CPEB2: variants seen among roughly 807,000 people sequenced by gnomAD.
CPEB2 encodes the protein cytoplasmic polyadenylation element binding protein 2, also known as cytoplasmic polyadenylation element-binding protein 2.
A neutral mutation model predicts 93.6 loss-of-function variants in CPEB2; 56 were observed. That is an observed-to-expected ratio of 0.60 (90% CI 0.48 to 0.75). The LOEUF is 0.75. CPEB2 is among the 30% of genes least tolerant of loss of function. The pLI is 0.00. For synonymous variants in CPEB2, 764 were observed against 586.3 expected (o/e 1.30, Z -4.38); for missense variants, 1,579 against 1,395.1 (o/e 1.13, Z -2.10).
intron 4 of CPEB2, among the ~76,000 whole-genome samples, chr4:15,027,416 C>T (rs1725605906): frequency 6.6e-6 from 1 of 152,092 alleles, no homozygotes; most frequent in African/African-American, 2.4e-5. Flanking sequence ...AGGGTCTTTT[C>T]TGCGTTTGTA....
In CPEB2 at chr4:15,003,811, G is replaced by C; in HGVS notation, c.1138G>C (p.Gly380Arg). The change falls in exon 1 of 12, where the codon GGC becomes CGC. Residue 380 changes from glycine (G) to arginine (R), a missense_variant. By Grantham distance (125) the Gly-to-Arg change is moderately radical. Transcript: ENST00000538197. ...SASPPPLPGF[G>R]TPWSVQTASP... The stretch of plus-strand genomic sequence containing the variant: ...GTCGCCGCCGCCGCTGCCCGGCTTC[G>C]GCACCCCCTGGTCGGTGCAGACCGC... 1.0e-6 allele frequency: 1 copy of C among 991,056 alleles called. No individual in the cohort carries two copies. Among genetic ancestry groups the C allele is most frequent in the Non-Finnish European group, 1.3e-6 (1 of 781,590 alleles). The allele number at this position is 991,056 out of a possible 1,614,324, so 61.4% of individuals were successfully genotyped here.
intron 3 of CPEB2, among the ~76,000 whole-genome samples, chr4:15,009,458 G>A (rs1262060563): frequency 2.6e-5 from 4 of 152,156 alleles, no homozygotes; most frequent in African/African-American, 9.7e-5. Flanking sequence ...GCAACGTATT[G>A]TCTTGTTAAT....
At chr4:15,038,774 A>G (rs1052390439) in intron 5 of CPEB2, among the ~76,000 whole-genome samples, 1 of 151,952 alleles carries the variant, frequency 6.6e-6, no homozygotes, top group Non-Finnish European at 1.5e-5. Context: ...TTTTTAGTAG[A>G]GACGAGGTTT....
At chr4:15,025,505 G>T (rs1287167701) in intron 4 of CPEB2, among the ~76,000 whole-genome samples, 2 of 151,880 alleles carry the variant, frequency 1.3e-5, no homozygotes. Flanking sequence ...AGTAATGATT[G>T]TAATAAGTCA....
chr4:15,058,621 G>A, intron 9 of CPEB2, 82 bp downstream of exon 9: 1 of 792,294 alleles, frequency 1.3e-6, no homozygotes, highest in Non-Finnish European at 2.1e-6. Flanking sequence ...ATTAATAAAA[G>A]AACAATTAAA....
rs1729786323 is a variant in CPEB2, at chr4:15,067,483, A to G, written c.*1103A>G. ...GATAAAAGAATGAGTAAAAGAAAAT[A>G]CAAGAATTCTAAAGAAAGTTGGTTT... On this transcript the variant is annotated 3_prime_UTR_variant, in exon 12 of 12. Transcript: ENST00000538197. 6.6e-6 allele frequency: 1 copy of G among 152,504 alleles called. No individual in the cohort carries two copies. The highest frequency in any genetic ancestry group is 6.6e-5 in the Admixed American group (1 of 15,232). 9.4% of individuals were successfully genotyped at this position (152,504 alleles called of 1,614,324 possible).
At chr4:15,063,489 A>G (rs1242649422) in intron 11 of CPEB2, among the ~76,000 whole-genome samples, 1 of 152,048 alleles carries the variant, frequency 6.6e-6, no homozygotes, top group African/African-American at 2.4e-5. Context: ...TCTGCTGTAC[A>G]TTATTCACCT....
chr4:15,063,377 AAAAC>A (rs751452883), intron 11 of CPEB2, among the ~76,000 whole-genome samples: 2 of 152,038 alleles, frequency 1.3e-5, no homozygotes, highest in Non-Finnish European at 2.9e-5. Context: ...CCAAAAAAAA[AAAAC>A]TAAGAGGAGG....
rs956181437 is a variant in CPEB2, at chr4:15,004,332, C to A, written c.1659C>A (p.His553Gln). 3.4e-6 allele frequency: 5 copies of A among 1,458,160 alleles called. No homozygotes were observed. The highest frequency in any genetic ancestry group is 4.5e-6 in the Non-Finnish European group (5 of 1,116,070). The allele number at this position is 1,458,160 out of a possible 1,614,324, so 90.3% of individuals were successfully genotyped here. The change falls in exon 1 of 12, where the codon CAC (histidine) becomes CAA (glutamine). Residue 553 changes from histidine (H) to glutamine (Q), a missense_variant. Around this residue, in one of 2 missense-constraint regions of CPEB2, gnomAD observed 1,411 missense variants for 1,056.0 expected, o/e 1.34. Transcript: ENST00000538197. ...FLQQRNSYNH[H>Q]QPLLKQSPWS... The stretch of plus-strand genomic sequence containing the variant: ...AGCAGAGGAACTCCTATAACCACCA[C>A]CAGGTACGGCGGGCGGCGGCCTGGC...
intron 4 of CPEB2, among the ~76,000 whole-genome samples, chr4:15,032,851 A>G (rs1453344350): frequency 6.6e-6 from 1 of 152,158 alleles, no homozygotes; most frequent in Non-Finnish European, 1.5e-5. Flanking sequence ...TTGCAAGACT[A>G]GGATATGATA....
At chr4:15,035,056 A>C (rs533605724) in intron 5 of CPEB2, among the ~76,000 whole-genome samples, 1 of 152,318 alleles carries the variant, frequency 6.6e-6, no homozygotes, top group East Asian at 1.9e-4. Flanking sequence ...ACGTAGATCT[A>C]CTTTTTGAAT....
rs1211215284 is a variant in CPEB2 at position 15,068,936 on chromosome 4, G to A, written c.*2556G>A. 2.7e-5 allele frequency: 4 copies of A among 150,088 alleles called. No homozygotes were observed. The East Asian group carries it at 7.9e-4, about 29-fold the overall frequency. The allele number at this position is 150,088 out of a possible 1,614,324, so 9.3% of individuals were successfully genotyped here. A position where few individuals can be genotyped will look rare whatever the true frequency, so the allele number is the denominator to read the frequency against. On this transcript the variant is annotated 3_prime_UTR_variant, in exon 12 of 12. Coordinates refer to ENST00000538197, the MANE Select transcript of CPEB2 (RefSeq NM_001177382.2). ...GTTTTGTTTTGTTTTTGCCCTTTAT[G>A]TACTACATTCTTATTTTCTAACTTT...
At chr4:15,059,637 G>A (rs938847831) in intron 10 of CPEB2, among the ~76,000 whole-genome samples, 1 of 88,176 alleles carries the variant, frequency 1.1e-5, no homozygotes, top group Non-Finnish European at 2.5e-5. Flanking sequence ...TGTGTAGATC[G>A]ATTCTGATAT....
At position 15,003,014 on chromosome 4, in the gene CPEB2, C is replaced by G. The variant is rs1722173986; in HGVS notation, c.341C>G (p.Ala114Gly). 1 of 1,495,966 alleles carries G rather than the reference C, an allele frequency of 6.7e-7. No homozygotes were observed. Among genetic ancestry groups the G allele is most frequent in the Non-Finnish European group, 8.8e-7 (1 of 1,134,346 alleles). 92.7% of individuals were successfully genotyped at this position (1,495,966 alleles called of 1,614,324 possible). A position where few individuals can be genotyped will look rare whatever the true frequency, so the allele number is the denominator to read the frequency against. ...GCGCGGCCGCTTTCGGGGGCGGCGG[C>G]CACGGAGAAACTCCCCGACCACCAC... ...QPARPLSGAA[A>G]TEKLPDHHPG... is the part of the protein sequence containing the mutation. Residue 114 changes from alanine to glycine, a missense_variant, in exon 1 of 12, where the codon GCC (alanine) becomes GGC (glycine). Transcript: ENST00000538197.
chr4:15,040,163 TTC>T (rs141748399), intron 5 of CPEB2, among the ~76,000 whole-genome samples: 1,753 of 152,272 alleles, frequency 0.012, 12 homozygotes, highest in Non-Finnish European at 0.019. Context: ...TGTTGTATAT[TTC>T]TGTCTTCATT....
rs1212738634 is a variant in CPEB2, at chr4:15,002,906, C to T, written c.233C>T (p.Ala78Val). Reference protein sequence around the residue: ...PLGGGAGSPAAAASSSSPFLA... With the variant: ...PLGGGAGSPAVAASSSSPFLA... ...GGCGGCGGCGCGGGCAGCCCGGCCG[C>T]CGCCGCTTCCTCTTCCTCCCCGTTC... The change falls in exon 1 of 12, where the codon GCC becomes GTC. Residue 78 changes from alanine (A) to valine (V), a missense_variant. Ala to Val is a moderately conservative substitution (Grantham distance 64). This residue lies in a region of CPEB2 where 1,411 missense variants were observed against 1,056.0 expected (regional missense o/e 1.34). Transcript: ENST00000538197. The T allele has an allele frequency of 2.0e-5, 30 of 1,512,286 alleles. No homozygotes were observed. In the South Asian group the frequency reaches 3.5e-4, roughly 17 times the overall value. 93.7% of individuals were successfully genotyped at this position (1,512,286 alleles called of 1,614,324 possible).
chr4:15,052,916 A>G (rs1728363494), intron 7 of CPEB2, among the ~76,000 whole-genome samples: 1 of 152,034 alleles, frequency 6.6e-6, no homozygotes, highest in African/African-American at 2.4e-5. Context: ...TTGTATCACC[A>G]TAATGTGTGC....
intron 7 of CPEB2, among the ~76,000 whole-genome samples, chr4:15,053,085 C>T (rs913492527): frequency 2.6e-5 from 4 of 151,574 alleles, no homozygotes; most frequent in African/African-American, 7.3e-5. Flanking sequence ...GGCGCAATCT[C>T]GGCTCGCTGC....
At chr4:15,021,946 AT>A (rs1387043108) in intron 4 of CPEB2, among the ~76,000 whole-genome samples, 1 of 152,124 alleles carries the variant, frequency 6.6e-6, no homozygotes, top group Admixed American at 6.6e-5. Flanking sequence ...GTAGTACCAA[AT>A]TGCTTATTTT....
Sources: allele counts gnomAD v4.1 joint callset (sites outside exome capture counted in the v4.1 genomes callset), GRCh38; gene constraint gnomAD v4.1.1; regional missense constraint gnomAD v4.1.1; transcripts MANE v1.5; gene names NCBI Gene and HGNC (gene_info 2026-07-23, HGNC 2026-07-21).